Variants in CCDC178 observed in about 807,000 individuals in gnomAD.
CCDC178 encodes coiled-coil domain-containing protein 178.
In CCDC178, 126 loss-of-function variants were observed where a neutral mutation model predicts 117.4. The observed-to-expected ratio is 1.07, with a 90% CI of 0.93 to 1.24. The LOEUF (loss-of-function observed/expected upper bound fraction) is 1.24, where lower values mean the gene tolerates loss of function less well. Among genes scored for constraint, CCDC178 ranks in the 50% most tolerant of loss-of-function variants. The probability of loss-of-function intolerance (pLI) is 0.00; values close to 1 mark genes in which losing one functional copy is unlikely to be tolerated. For missense variants in CCDC178, 1,030 were observed against 986.9 expected (o/e 1.04, Z -0.59); for synonymous variants, 283 against 313.4 (o/e 0.90, Z 1.02).
chr18:33,269,463 C>T (rs113869110), intron 12 of CCDC178, among the ~76,000 whole-genome samples: 1 of 151,734 alleles, frequency 6.6e-6, no homozygotes, highest in African/African-American at 2.4e-5. Flanking sequence ...GATCTTGAGG[C>T]TCTATGAAAG....
chr18:33,290,416 T>C (rs2060152209), intron 12 of CCDC178, among the ~76,000 whole-genome samples: 1 of 152,166 alleles, frequency 6.6e-6, no homozygotes. Context: ...AGACATAGTT[T>C]GCCTTTTGGA....
intron 20 of CCDC178, among the ~76,000 whole-genome samples, chr18:33,191,589 A>G (rs1267809321): frequency 6.6e-6 from 1 of 152,182 alleles, no homozygotes; most frequent in Non-Finnish European, 1.5e-5. Flanking sequence ...GTCTAATAAC[A>G]TTAGCAATTT....
intron 14 of CCDC178, among the ~76,000 whole-genome samples, chr18:33,263,999 C>G (rs569486083): frequency 2.0e-5 from 3 of 151,924 alleles, no homozygotes; most frequent in African/African-American, 7.2e-5. Context: ...ACAAAGACTA[C>G]AGACATTTAA....
At chr18:33,356,245 G>C in intron 7 of CCDC178, 79 bp downstream of exon 7, 1 of 1,338,544 alleles carries the variant, frequency 7.5e-7, no homozygotes, top group Non-Finnish European at 1.0e-6. Flanking sequence ...TCCTTTTGAA[G>C]TTAAACTGGA....
At chr18:33,124,406 G>A (rs560501680) in intron 20 of CCDC178, among the ~76,000 whole-genome samples, 1 of 152,258 alleles carries the variant, frequency 6.6e-6, no homozygotes, top group Admixed American at 6.5e-5. Flanking sequence ...GGTTTTATGT[G>A]TAAGAAAATG....
At chr18:33,107,250 T>C (rs1048261380) in intron 20 of CCDC178, among the ~76,000 whole-genome samples, 1 of 151,666 alleles carries the variant, frequency 6.6e-6, no homozygotes, top group African/African-American at 2.4e-5. Context: ...TAATAAGATA[T>C]TATAGAGAAA....
chr18:33,348,801 A>C, intron 8 of CCDC178, 89 bp downstream of exon 8: 1 of 817,072 alleles, frequency 1.2e-6, no homozygotes, highest in East Asian at 2.7e-5. Flanking sequence ...ATTCTTAAAC[A>C]TGATTATTGT....
intron 5 of CCDC178, among the ~76,000 whole-genome samples, chr18:33,371,150 T>C (rs1187947901): frequency 6.6e-6 from 1 of 152,070 alleles, no homozygotes; most frequent in African/African-American, 2.4e-5. Flanking sequence ...ATCTTTTAAA[T>C]ATCTTTTAAA....
chr18:33,235,087 C>T (rs1253547738), intron 15 of CCDC178, among the ~76,000 whole-genome samples: 1 of 152,020 alleles, frequency 6.6e-6, no homozygotes, highest in African/African-American at 2.4e-5. Context: ...AAGGATGGGC[C>T]TATAAACCTT....
chr18:33,266,821 C>G, intron 14 of CCDC178, 95 bp downstream of exon 14: 2 of 1,199,262 alleles, frequency 1.7e-6, no homozygotes, highest in East Asian at 5.2e-5. Flanking sequence ...AACAAAAACA[C>G]CACCATATAA....
intron 21 of CCDC178, among the ~76,000 whole-genome samples, chr18:33,078,969 G>A (rs2057254767): frequency 6.6e-6 from 1 of 152,004 alleles, no homozygotes; most frequent in Non-Finnish European, 1.5e-5. Flanking sequence ...GAATAGCCAA[G>A]GCAATCCCAT....
chr18:33,334,349 TA>T (rs2062711413), intron 9 of CCDC178, among the ~76,000 whole-genome samples: 4 of 152,068 alleles, frequency 2.6e-5, no homozygotes, highest in Non-Finnish European at 5.9e-5. Flanking sequence ...AATAAATGAA[TA>T]AAATTATTTT....
intron 21 of CCDC178, among the ~76,000 whole-genome samples, chr18:33,081,182 G>A (rs1205976826): frequency 2.6e-5 from 4 of 152,098 alleles, no homozygotes; most frequent in Admixed American, 2.0e-4. Context: ...AGGTTTTACT[G>A]ACATGTGATC....
chr18:33,391,613 AAAGTT>A (rs2063566295), intron 4 of CCDC178, among the ~76,000 whole-genome samples: 1 of 152,162 alleles, frequency 6.6e-6, no homozygotes, highest in African/African-American at 2.4e-5. Context: ...TTTGTCACAT[AAAGTT>A]AATTCAAAGG....
intron 20 of CCDC178, among the ~76,000 whole-genome samples, chr18:33,147,614 A>G (rs1331782768): frequency 5.9e-5 from 9 of 151,800 alleles, no homozygotes; most frequent in Admixed American, 5.9e-4. Flanking sequence ...AACAAAGCAC[A>G]TCTTGCACCA....
intron 20 of CCDC178, among the ~76,000 whole-genome samples, chr18:33,103,416 C>T (rs1249841766): frequency 6.6e-6 from 1 of 151,532 alleles, no homozygotes; most frequent in Non-Finnish European, 1.5e-5. Flanking sequence ...ATATCACGTG[C>T]TTAATGAAGT....
At chr18:33,317,883 T>G (rs183276231) in intron 11 of CCDC178, among the ~76,000 whole-genome samples, 2 of 152,116 alleles carry the variant, frequency 1.3e-5, no homozygotes, top group Admixed American at 6.5e-5. Flanking sequence ...TAAGCCAAGA[T>G]AGCCAACCAA....
intron 15 of CCDC178, 95 bp from the exon 16 acceptor site, chr18:33,226,950 G>A (rs1309665402): frequency 8.0e-6 from 4 of 498,956 alleles, no homozygotes; most frequent in Non-Finnish European, 1.4e-5. Context: ...CATTTTTAAT[G>A]TTTCAATATA....
intron 20 of CCDC178, among the ~76,000 whole-genome samples, chr18:33,178,410 C>T (rs753108037): frequency 5.3e-5 from 8 of 152,046 alleles, no homozygotes; most frequent in East Asian, 1.9e-4. Flanking sequence ...CCTGGATTAC[C>T]GTAAGAATCT....
Sources: gnomAD v4.1 joint callset for allele counts (sites outside exome capture counted in the v4.1 genomes callset) on GRCh38, gnomAD v4.1.1 for gene constraint, MANE v1.5 for transcripts, NCBI Gene and HGNC (gene_info 2026-07-23, HGNC 2026-07-21) for gene names.